The following IL3RA variants were observed in gnomAD, a reference collection of about 807,000 sequenced individuals.
IL3RA encodes interleukin 3 receptor subunit alpha.
A neutral mutation model predicts 52.3 loss-of-function variants in IL3RA; 73 were observed. The observed-to-expected ratio is 1.40, with a 90% CI of 1.16 to 1.70. The LOEUF is 1.70. IL3RA is among the 40% of genes most tolerant of loss of function. The probability of loss-of-function intolerance (pLI) is 0.00; values close to 1 mark genes in which losing one functional copy is unlikely to be tolerated. For missense variants in IL3RA, 664 were observed against 504.4 expected (o/e 1.32, Z -3.03); for synonymous variants, 260 against 194.0 (o/e 1.34, Z -2.83).
chrX:1,349,486 A>G (rs1240341249), intron 4 of IL3RA, among the ~76,000 whole-genome samples: 1 of 150,382 alleles, frequency 6.6e-6, no homozygotes, highest in African/African-American at 2.4e-5. Flanking sequence ...AGCCTTAAAT[A>G]CTTTTTGTAG....
chrX:1,365,209 AGT>A lies in IL3RA; in HGVS notation c.834_835del (p.Tyr279Ter), dbSNP rs1337212031. On this transcript the variant is annotated frameshift_variant, in exon 9 of 12. Transcript: ENST00000331035. LOFTEE classifies it high-confidence loss of function. ...CAGTACAAATAAGAGCCCGGGAAAG[AGT>A]GTATGAATTCTTGAGCGCCTGGAGC... ...YTVQIRARER[V>X]YEFLSAWSTP... 4 of 1,609,980 alleles carry A rather than the reference AGT, an allele frequency of 2.5e-6. No homozygotes were observed. Among genetic ancestry groups the A allele is most frequent in the African/African-American group, 2.7e-5 (2 of 74,768 alleles).
intron 7 of IL3RA, among the ~76,000 whole-genome samples, chrX:1,358,028 C>T (rs1228659658): frequency 2.0e-5 from 3 of 151,462 alleles, no homozygotes; most frequent in Admixed American, 2.0e-4. Flanking sequence ...TGGCGTAAAC[C>T]CAGAAGGCGG....
intron 8 of IL3RA, among the ~76,000 whole-genome samples, chrX:1,361,435 C>T (rs1183952332): frequency 6.6e-6 from 1 of 152,058 alleles, no homozygotes; most frequent in African/African-American, 2.4e-5. Context: ...AAAGGCATGT[C>T]TTACATGTCA....
rs1569522287 is a variant in IL3RA, at chrX:1,353,975, C to CT, written c.616+1469_616+1470insT. 1.1e-4 allele frequency among the ~76,000 whole-genome samples: 7 copies of CT among 64,102 alleles called. 2 individuals carry two copies. Among genetic ancestry groups the CT allele is most frequent in the African/African-American group, 4.7e-4 (7 of 14,828 alleles). 42.1% of individuals were successfully genotyped at this position (64,102 alleles called of 152,430 possible). On this transcript the variant is annotated intron_variant, in intron 6 of 11. Coordinates refer to ENST00000331035, the MANE Select transcript of IL3RA (RefSeq NM_002183.4). ...CCCCCATCATGGGTCGTGGGACCCC[C>CT]ACCCCCATCATGGGTCATGGGAGCC...
chrX:1,351,121 T>G (rs1172176801), intron 4 of IL3RA, among the ~76,000 whole-genome samples: 9 of 149,670 alleles, frequency 6.0e-5, no homozygotes, highest in Admixed American at 6.0e-4. Context: ...GCAGGAGAAT[T>G]GCTTGAACCC....
At chrX:1,377,251 T>G (rs1256492395) in intron 9 of IL3RA, among the ~76,000 whole-genome samples, 1 of 152,154 alleles carries the variant, frequency 6.6e-6, no homozygotes, top group African/African-American at 2.4e-5. Context: ...TTTTTTTTCC[T>G]CTTTTTCTGA....
chrX:1,357,659 G>A (rs779607723), intron 7 of IL3RA, among the ~76,000 whole-genome samples: 28 of 151,834 alleles, frequency 1.8e-4, no homozygotes, highest in East Asian at 1.2e-3. Flanking sequence ...ACTGTGCCCC[G>A]CCATATATTT....
At chrX:1,356,670 G>A (rs2086745031) in intron 7 of IL3RA, among the ~76,000 whole-genome samples, 1 of 151,672 alleles carries the variant, frequency 6.6e-6, no homozygotes, top group Non-Finnish European at 1.5e-5. Context: ...TACTGGGGAG[G>A]CCGAGGCAGG....
chrX:1,353,183 C>A (rs1212204446), intron 6 of IL3RA, among the ~76,000 whole-genome samples: 135 of 140,084 alleles, frequency 9.6e-4, no homozygotes, highest in South Asian at 4.6e-3. Context: ...CATCATGGGT[C>A]ATGGGACCCC....
intron 8 of IL3RA, among the ~76,000 whole-genome samples, chrX:1,362,008 C>G (rs1196591532): frequency 2.0e-5 from 3 of 151,650 alleles, no homozygotes; most frequent in Non-Finnish European, 4.4e-5. Context: ...CTGTTTTCCT[C>G]TCTGTCTCTG....
In IL3RA at chrX:1,379,325, C is replaced by A. The variant is rs756282348; in HGVS notation, c.980+561C>A. Among the ~76,000 whole-genome samples, 4 of 151,142 alleles carry A rather than the reference C, an allele frequency of 2.6e-5. No individual in the cohort carries two copies. The East Asian group carries it at 7.9e-4, about 30-fold the overall frequency. On this transcript the variant is annotated intron_variant, in intron 10 of 11. Transcript: ENST00000331035. ...TGTGCAACACTGCACCCAACTAATT[C>A]TTGTATTTTTAGTGGAGACGGGGTT...
chrX:1,361,720 T>C (rs759655305), intron 8 of IL3RA, among the ~76,000 whole-genome samples: 1 of 127,394 alleles, frequency 7.8e-6, no homozygotes, highest in African/African-American at 3.1e-5. Flanking sequence ...GCCACTGCAC[T>C]CCAGCCTGGG....
At chrX:1,363,313 T>C (rs1478932045) in intron 8 of IL3RA, among the ~76,000 whole-genome samples, 2 of 149,828 alleles carry the variant, frequency 1.3e-5, no homozygotes, top group Non-Finnish European at 3.0e-5. Flanking sequence ...TTTTTTTTTT[T>C]TTTTTGAGAC....
intron 1 of IL3RA, among the ~76,000 whole-genome samples, chrX:1,338,280 A>C (rs1350631642): frequency 6.7e-6 from 1 of 149,314 alleles, no homozygotes; most frequent in Non-Finnish European, 1.5e-5. Context: ...GTCCATCCAC[A>C]CAGTGGAATA....
At chrX:1,355,114 A>G (rs1603444915) in intron 6 of IL3RA, among the ~76,000 whole-genome samples, 1 of 34,212 alleles carries the variant, frequency 2.9e-5, no homozygotes, top group Admixed American at 3.1e-4. Flanking sequence ...GCGGGAGGAG[A>G]GGAGGAGGAG....
chrX:1,346,040 C>T (rs1190304709), intron 3 of IL3RA, among the ~76,000 whole-genome samples: 4 of 151,940 alleles, frequency 2.6e-5, no homozygotes, highest in South Asian at 2.1e-4. Context: ...CCACGCTGGG[C>T]GTGGTGGCTC....
At chrX:1,364,313 G>A (rs1273786758) in intron 8 of IL3RA, among the ~76,000 whole-genome samples, 1 of 151,652 alleles carries the variant, frequency 6.6e-6, no homozygotes, top group African/African-American at 2.4e-5. Context: ...CCAACATGGA[G>A]AAACCCCGAC....
chrX:1,348,795 C>G (rs749846626), intron 4 of IL3RA, among the ~76,000 whole-genome samples: 1 of 140,750 alleles, frequency 7.1e-6, no homozygotes, highest in Non-Finnish European at 1.5e-5. Flanking sequence ...TCCCTTCTTT[C>G]TTTTCTTCAC....
Position 1,364,187 on chromosome X carries a change from CAAAAAAAAA to C in IL3RA, c.760-946_760-938del, listed in dbSNP as rs1168463070. ...TGGGGGACAGAGTGAGACTCCATCT[CAAAAAAAAA>C]AAAATTTTTTTTTGGCTGGACGTGG... On this transcript the variant is annotated intron_variant, in intron 8 of 11. Coordinates refer to ENST00000331035, the MANE Select transcript of IL3RA (RefSeq NM_002183.4). Among the ~76,000 whole-genome samples the C allele has an allele frequency of 3.1e-5, 4 of 129,052 alleles. No individual in the cohort carries two copies. In the South Asian group the frequency reaches 1.0e-3, roughly 32 times the overall value. The allele number at this position is 129,052 out of a possible 152,430, so 84.7% of individuals were successfully genotyped here.
Sources: allele counts gnomAD v4.1 joint callset (sites outside exome capture counted in the v4.1 genomes callset), GRCh38; gene constraint gnomAD v4.1.1; transcripts MANE v1.5; gene names NCBI Gene and HGNC (gene_info 2026-07-23, HGNC 2026-07-21).